DOCK2: variants seen among roughly 807,000 people sequenced by gnomAD.
DOCK2 encodes the protein dedicator of cytokinesis 2, also known as dedicator of cytokinesis protein 2.
In DOCK2, 87 loss-of-function variants were observed where a neutral mutation model predicts 248.9. The ratio of observed to expected loss-of-function variants is 0.35; its 90% confidence interval spans 0.29 to 0.42. The LOEUF is 0.42. DOCK2 is among the 10% of genes least tolerant of loss of function. The pLI, the probability that DOCK2 is intolerant of heterozygous loss-of-function variation, is 1.00. For missense variants in DOCK2, 1,747 were observed against 2,300.2 expected, an observed-to-expected ratio of 0.76 and a Z score of 4.92; for synonymous variants, 805 against 821.6, an observed-to-expected ratio of 0.98 and a Z score of 0.35.
At position 169,960,803 on chromosome 5, in the gene DOCK2, T is replaced by A. The variant is rs371521518; in HGVS notation, c.2800-22265T>A. Among the ~76,000 whole-genome samples the A allele has an allele frequency of 1.8e-3, 280 of 152,354 alleles. 6 individuals carry two copies. In the South Asian group the frequency reaches 0.049, roughly 26 times the overall value. ...ATAATTCATAAGTTTTAAATTGTGTTCTGTTCTGAGTCATGTGATGAAATC... is the reference window on the plus strand; with the variant it reads ...ATAATTCATAAGTTTTAAATTGTGTACTGTTCTGAGTCATGTGATGAAATC... On this transcript the variant is annotated intron_variant, in intron 27 of 51. Coordinates refer to ENST00000520908, the MANE Select transcript of DOCK2 (RefSeq NM_004946.3).
chr5:169,817,829 C>T (rs541468801), intron 26 of DOCK2, among the ~76,000 whole-genome samples: 13 of 152,324 alleles, frequency 8.5e-5, no homozygotes, highest in South Asian at 2.1e-4. Flanking sequence ...TGCCGAACTC[C>T]GAGCAGATAC....
Position 169,766,439 on chromosome 5 carries a change from A to G in DOCK2, c.2554+4814A>G, listed in dbSNP as rs182319204. On this transcript the variant is annotated intron_variant, in intron 25 of 51. Coordinates refer to ENST00000520908, the MANE Select transcript of DOCK2 (RefSeq NM_004946.3). ...ATGGCTGCGTAGTATTTCATCATGT[A>G]TATGTACCACATTTTCTTTATCCAG... is the stretch of plus-strand genomic sequence containing the variant. Among the ~76,000 whole-genome samples, 439 of 152,302 alleles carry G rather than the reference A, an allele frequency of 2.9e-3. 2 individuals carry two copies. The highest frequency in any genetic ancestry group is 0.01 in the African/African-American group (427 of 41,556).
Position 169,911,351 on chromosome 5 carries a change from A to C in DOCK2, c.2799+70499A>C, listed in dbSNP as rs1774587640. On this transcript the variant is annotated intron_variant, in intron 27 of 51. Coordinates refer to ENST00000520908, the MANE Select transcript of DOCK2 (RefSeq NM_004946.3). ...TCTGTTTATTAGAGAACTCTCCTTC[A>C]CTTCTCTTTTCATGCTATGGCGTTC... Among the ~76,000 whole-genome samples the C allele has an allele frequency of 3.9e-5, 6 of 152,172 alleles. No homozygotes were observed. In the South Asian group the frequency reaches 1.2e-3, roughly 32 times the overall value.
chr5:169,973,052 G>A (rs1777583787), intron 27 of DOCK2, among the ~76,000 whole-genome samples: 1 of 152,142 alleles, frequency 6.6e-6, no homozygotes, highest in South Asian at 2.1e-4. Context: ...TACATGATGT[G>A]AGAGACCTTC....
At chr5:169,889,641 A>T (rs950911450) in intron 27 of DOCK2, among the ~76,000 whole-genome samples, 16 of 152,224 alleles carry the variant, frequency 1.1e-4, no homozygotes, top group African/African-American at 3.9e-4. Context: ...TTTTTTCTTT[A>T]AAGGGCCAGA....
Position 169,709,853 on chromosome 5 carries a change from G to T in DOCK2, c.1482+1586G>T, listed in dbSNP as rs115028801. On this transcript the variant is annotated intron_variant, in intron 15 of 51. Coordinates refer to ENST00000520908, the MANE Select transcript of DOCK2 (RefSeq NM_004946.3). ...CTTAGAGCCCTTGAGATGTAAATGT[G>T]CTCTGCAGACCTGCAAAAGGAAATA... Among the ~76,000 whole-genome samples, 621 of 152,332 alleles carry T rather than the reference G, an allele frequency of 4.1e-3. 1 individual carries two copies. Among genetic ancestry groups the T allele is most frequent in the Non-Finnish European group, 6.7e-3 (453 of 68,026 alleles).
At chr5:170,076,996 G>A (rs1312591739) in intron 47 of DOCK2, among the ~76,000 whole-genome samples, 1 of 152,148 alleles carries the variant, frequency 6.6e-6, no homozygotes, top group Non-Finnish European at 1.5e-5. Context: ...TACAAACTGG[G>A]AGATTCCCAC....
At chr5:169,965,317 C>G (rs1227983779) in intron 27 of DOCK2, among the ~76,000 whole-genome samples, 2 of 152,164 alleles carry the variant, frequency 1.3e-5, no homozygotes, top group Non-Finnish European at 2.9e-5. Flanking sequence ...TAAGAAGCTC[C>G]CAGGTGATGC....
chr5:169,692,844 T>C (rs1478731979), intron 9 of DOCK2, among the ~76,000 whole-genome samples: 3 of 152,204 alleles, frequency 2.0e-5, no homozygotes, highest in African/African-American at 7.2e-5. Flanking sequence ...TTCACCGTGG[T>C]CTTCTCTCTG....
At chr5:169,669,678 C>T (rs1321547130) in intron 3 of DOCK2, among the ~76,000 whole-genome samples, 1 of 152,192 alleles carries the variant, frequency 6.6e-6, no homozygotes, top group Non-Finnish European at 1.5e-5. Context: ...ATTCAGTCAT[C>T]TCCTCATCCG....
At chr5:169,963,852 G>A (rs561384799) in intron 27 of DOCK2, among the ~76,000 whole-genome samples, 29 of 152,212 alleles carry the variant, frequency 1.9e-4, no homozygotes, top group Non-Finnish European at 7.4e-5. Flanking sequence ...AACATAGACC[G>A]CTGGGCCTAC....
At chr5:169,704,174 T>A (rs1347389943) in intron 14 of DOCK2, 2 of 152,226 alleles carry the variant, frequency 1.3e-5, no homozygotes, top group Admixed American at 1.3e-4. Flanking sequence ...GGAGTTCAGT[T>A]GACTGACTAT....
At chr5:170,025,760 T>TTCCC (rs1294992581) in intron 33 of DOCK2, among the ~76,000 whole-genome samples, 6 of 145,120 alleles carry the variant, frequency 4.1e-5, no homozygotes, top group Non-Finnish European at 6.0e-5. Context: ...TAGGTGTCTG[T>TTCCC]TCCCTCCCTC....
chr5:170,076,724 C>T (rs1241035345), intron 47 of DOCK2, among the ~76,000 whole-genome samples: 1 of 152,232 alleles, frequency 6.6e-6, no homozygotes, highest in Non-Finnish European at 1.5e-5. Context: ...GATGGTAAAA[C>T]TGAGACCCAG....
At chr5:169,905,502 C>A (rs1774226157) in intron 27 of DOCK2, among the ~76,000 whole-genome samples, 1 of 152,188 alleles carries the variant, frequency 6.6e-6, no homozygotes, top group African/African-American at 2.4e-5. Context: ...GGCTGCCAGG[C>A]AGAGTATGTT....
intron 25 of DOCK2, among the ~76,000 whole-genome samples, chr5:169,796,683 C>T (rs569535034): frequency 3.9e-4 from 60 of 152,302 alleles, no homozygotes; most frequent in African/African-American, 1.4e-3. Context: ...GAAGAAGAGT[C>T]ACCCAAGGCA....
chr5:169,980,746 C>G lies in DOCK2; in HGVS notation c.2800-2322C>G, dbSNP rs1378103144. 2.6e-5 allele frequency: 4 copies of G among 152,268 alleles called. No homozygotes were observed. The East Asian group carries it at 5.8e-4, about 22-fold the overall frequency. 9.4% of individuals were successfully genotyped at this position (152,268 alleles called of 1,614,324 possible). On this transcript the variant is annotated intron_variant, in intron 27 of 51. Coordinates refer to ENST00000520908, the MANE Select transcript of DOCK2 (RefSeq NM_004946.3). ...TGGGAGCTGGTTAAATTAGCAGTGACGGCGGTGTTCTGTCTAGTTTGAAAG... is the reference window on the plus strand; with the variant it reads ...TGGGAGCTGGTTAAATTAGCAGTGAGGGCGGTGTTCTGTCTAGTTTGAAAG...
At chr5:169,728,969 C>T (rs552521214) in intron 22 of DOCK2, among the ~76,000 whole-genome samples, 17 of 152,188 alleles carry the variant, frequency 1.1e-4, no homozygotes, top group Non-Finnish European at 2.2e-4. Context: ...AAATGGTAAA[C>T]TATTTCCTCT....
intron 26 of DOCK2, among the ~76,000 whole-genome samples, chr5:169,821,783 G>A (rs1768464000): frequency 6.6e-6 from 1 of 152,290 alleles, no homozygotes; most frequent in East Asian, 1.9e-4. Context: ...AACCTTAAAT[G>A]TAAATGGGCT....
Sources: gnomAD v4.1 joint callset for allele counts (sites outside exome capture counted in the v4.1 genomes callset) on GRCh38, gnomAD v4.1.1 for gene constraint, MANE v1.5 for transcripts, NCBI Gene and HGNC (gene_info 2026-07-23, HGNC 2026-07-21) for gene names.